The following WDR46 variants were observed in gnomAD, a reference collection of about 807,000 sequenced individuals.
WDR46 encodes WD repeat domain 46, also known as WD repeat-containing protein 46.
In WDR46, 58 loss-of-function variants were observed where a neutral mutation model predicts 74.7. The observed-to-expected ratio is 0.78, with a 90% CI of 0.63 to 0.97. The LOEUF (loss-of-function observed/expected upper bound fraction) is 0.97. Among genes scored for constraint, WDR46 ranks in the 50% least tolerant of loss-of-function variants. The pLI, the probability that WDR46 is intolerant of heterozygous loss-of-function variation, is 0.00. For missense variants in WDR46, 702 were observed against 790.1 expected, an observed-to-expected ratio of 0.89 and a Z score of 1.34; for synonymous variants, 278 against 297.3, an observed-to-expected ratio of 0.93 and a Z score of 0.67.
intron 13 of WDR46, 23 bp from the exon 14 acceptor site, chr6:33,279,633 T>C: frequency 1.2e-6 from 2 of 1,614,046 alleles, no homozygotes; most frequent in African/African-American, 1.3e-5. Context: ...ACAGGAGTGA[T>C]ATCTGTTACA....
chr6:33,283,324 A>T (rs1359051576), intron 10 of WDR46, among the ~76,000 whole-genome samples: 1 of 152,074 alleles, frequency 6.6e-6, no homozygotes, highest in Non-Finnish European at 1.5e-5. Context: ...GGCTCACAGT[A>T]ATTACTCTGT....
chr6:33,288,458 T>C lies in WDR46; in HGVS notation c.373A>G (p.Lys125Glu), dbSNP rs557411044. ...TCAAGTCGGCTTCGAGTTTTGGCTT[T>C]AGAATGTGGTAGCTGTAACATTGTT... is the stretch of plus-strand genomic sequence containing the variant. ...IDKSRKLPHS[K>E]AKTRSRLEVA... The change falls in exon 4 of 15, where the codon AAA becomes GAA. Residue 125 changes from lysine (K) to glutamate (E), a missense_variant. Lys to Glu is a moderately conservative substitution (Grantham distance 56). Transcript: ENST00000374617. The C allele has an allele frequency of 1.2e-6, 2 of 1,614,106 alleles. No individual in the cohort carries two copies. Among genetic ancestry groups the C allele is most frequent in the African/African-American group, 1.3e-5 (1 of 75,000 alleles).
In WDR46 at chr6:33,288,596, T is replaced by A. The variant is rs763648037; in HGVS notation, c.360+18A>T. ...CTCCCTGCCTCCAGCACTTCCCAAC[T>A]CTCCGGCTGGACCTCACCTTTCGGG... On this transcript the variant is annotated intron_variant, in intron 3 of 14. Transcript: ENST00000374617. 6.2e-7 allele frequency: 1 copy of A among 1,610,978 alleles called. No homozygotes were observed. Among genetic ancestry groups the A allele is most frequent in the Non-Finnish European group, 8.5e-7 (1 of 1,178,778 alleles).
intron 10 of WDR46, chr6:33,284,685 A>G (rs1766466014): frequency 6.5e-6 from 1 of 153,834 alleles, no homozygotes; most frequent in Admixed American, 6.5e-5. Context: ...AACCTGGCCC[A>G]TCATCTAGTT....
Position 33,288,411 on chromosome 6 carries a change from C to T in WDR46, c.420G>A (p.Glu140=), listed in dbSNP as rs746602791. ...AACGAGCAGCTTTGATACTTGTTTC[C>T]TCTTCCTCAGCTTCAGCCACCTCAA... ...SRLEVAEAEE[E]ETSIKAARSE... The change falls in exon 4 of 15, where the codon GAG becomes GAA. Residue 140 remains glutamate, a synonymous_variant. Transcript: ENST00000374617. The T allele has an allele frequency of 1.9e-6, 3 of 1,614,188 alleles. No homozygotes were observed. Among genetic ancestry groups the T allele is most frequent in the South Asian group, 2.2e-5 (2 of 91,088 alleles).
At chr6:33,288,321 AG>A in intron 4 of WDR46, 36 bp downstream of exon 4, 1 of 1,613,246 alleles carries the variant, frequency 6.2e-7, no homozygotes, top group Non-Finnish European at 8.5e-7. Context: ...CAGTCCCAAA[AG>A]GCAGGGAATG....
At position 33,287,226 on chromosome 6, in the gene WDR46, A is replaced by T; in HGVS notation, c.880T>A (p.Ser294Thr). Residue 294 changes from serine (S) to threonine (T), a missense_variant and splice_region_variant, in exon 9 of 15, where the codon TCA becomes ACA. By Grantham distance (58) the Ser-to-Thr change is moderately conservative. Transcript: ENST00000374617. ...LPFHFLLATA[S>T]ETGFLTYLDV... Reference sequence around the variant, plus strand: ...AGGTAGGTTAGAAACCCTGTTTCTGACTGAGAGAGAAAGACAGAGAGAATG... The same window carrying T: ...AGGTAGGTTAGAAACCCTGTTTCTGTCTGAGAGAGAAAGACAGAGAGAATG... 1 of 1,613,648 alleles carries T rather than the reference A, an allele frequency of 6.2e-7. No homozygotes were observed. Among genetic ancestry groups the T allele is most frequent in the Non-Finnish European group, 8.5e-7 (1 of 1,179,942 alleles).
chr6:33,280,676 G>A lies in WDR46; in HGVS notation c.1427C>T (p.Pro476Leu). The part of the protein sequence containing the change: ...HTGGITSMLV[P>L]GAGEPNFDGL... The stretch of plus-strand genomic sequence containing the variant: ...GCCCCATCCCCTGGCCCACTCACCA[G>A]GGACCAGCATGCTGGTGATGCCCCC... Residue 476 changes from proline (P) to leucine (L), a missense_variant and splice_region_variant, in exon 11 of 15, where the codon CCT becomes CTT. Physicochemically the swap from Pro to Leu is moderately conservative, Grantham distance 98. Coordinates refer to ENST00000374617, the MANE Select transcript of WDR46 (RefSeq NM_005452.6). The A allele has an allele frequency of 1.3e-6, 2 of 1,583,256 alleles. No individual in the cohort carries two copies. The highest frequency in any genetic ancestry group is 1.7e-6 in the Non-Finnish European group (2 of 1,161,490).
chr6:33,288,818 G>A lies in WDR46; in HGVS notation c.265C>T (p.Arg89Cys). The change falls in exon 2 of 15, where the codon CGC (arginine) becomes TGC (cysteine). Residue 89 changes from arginine to cysteine, a missense_variant. Coordinates refer to ENST00000374617, the MANE Select transcript of WDR46 (RefSeq NM_005452.6). ...CCCACGCTCACCCCGGACAAGCCGCGCTGGGACTCCGGGTTCTTCCATTCT... is the reference window on the plus strand; with the variant it reads ...CCCACGCTCACCCCGGACAAGCCGCACTGGGACTCCGGGTTCTTCCATTCT... ...PREWKNPESQ[R>C]GLSGTQDPFP... 2 of 1,614,098 alleles carry A rather than the reference G, an allele frequency of 1.2e-6. 1 individual carries two copies. The highest frequency in any genetic ancestry group is 1.7e-6 in the Non-Finnish European group (2 of 1,179,998).
In WDR46 at chr6:33,279,556, G is replaced by A. The variant is rs145599893; in HGVS notation, c.1675C>T (p.Arg559Cys). 2.0e-5 allele frequency: 32 copies of A among 1,614,104 alleles called. No individual in the cohort carries two copies. In the Middle Eastern group the frequency reaches 4.9e-4, roughly 25 times the overall value. ...TTCACCAGGCTTGCCGTGGAGCTGC[G>A]GCCCTTCTGCTTTGGCTTTGGCTGG... ...PFQPKPKQKG[R>C]SSTASLVKRK... is the part of the protein sequence containing the mutation. Residue 559 changes from arginine (R) to cysteine (C), a missense_variant, in exon 14 of 15, where the codon CGC becomes TGC. Arg to Cys is a radical substitution (Grantham distance 180). Transcript: ENST00000374617.
rs2150893056 is a variant in WDR46, at chr6:33,279,978, G to A, written c.1525-119C>T. 4.3e-6 allele frequency: 4 copies of A among 936,030 alleles called. No homozygotes were observed. The East Asian group carries it at 1.1e-4, about 25-fold the overall frequency. The allele number at this position is 936,030 out of a possible 1,614,324, so 58.0% of individuals were successfully genotyped here. A position where few individuals can be genotyped will look rare whatever the true frequency, so the allele number is the denominator to read the frequency against. On this transcript the variant is annotated intron_variant, in intron 12 of 14. Transcript: ENST00000374617. ...CAAGACCCCCAGCATGAGACATCAG[G>A]AGAGCTTTCTCTACCTCCAACCCCA...
chr6:33,288,651 A>G lies in WDR46; in HGVS notation c.323T>C (p.Val108Ala), dbSNP rs776920543. The G allele has an allele frequency of 6.2e-7, 1 of 1,605,462 alleles. No individual in the cohort carries two copies. The highest frequency in any genetic ancestry group is 8.5e-7 in the Non-Finnish European group (1 of 1,175,048). Residue 108 changes from valine (V) to alanine (A), a missense_variant, in exon 3 of 15, where the codon GTG becomes GCG. Coordinates refer to ENST00000374617, the MANE Select transcript of WDR46 (RefSeq NM_005452.6). ...FPGPAPVPVE[V>A]VQKFCRIDKS... ...GTCAATGCGACAGAACTTCTGGACC[A>G]CTTCCACAGGGACGGGGGCGGGGCC...
At position 33,280,534 on chromosome 6, in the gene WDR46, G is replaced by C; in HGVS notation, c.1430-12C>G. On this transcript the variant is annotated splice_polypyrimidine_tract_variant and intron_variant, in intron 11 of 14. Coordinates refer to ENST00000374617, the MANE Select transcript of WDR46 (RefSeq NM_005452.6). The stretch of plus-strand genomic sequence containing the variant: ...GGGCTCACCGGCCCCTGAAGGGAGG[G>C]AGGGAGAAGCATGGAGCCATAAGGA... 3 of 1,600,384 alleles carry C rather than the reference G, an allele frequency of 1.9e-6. No homozygotes were observed. The highest frequency in any genetic ancestry group is 2.6e-6 in the Non-Finnish European group (3 of 1,172,762).
chr6:33,289,180 C>G lies in WDR46; in HGVS notation c.-10G>C, dbSNP rs765283053. The G allele has an allele frequency of 6.2e-7, 1 of 1,605,216 alleles. No homozygotes were observed. Among genetic ancestry groups the G allele is most frequent in the Admixed American group, 1.7e-5 (1 of 57,704 alleles). ...TGGGGGCTGTCTCCATCTCGCCCAC[C>G]CGAACGGCGATCCACGTGCAAAACT... On this transcript the variant is annotated 5_prime_UTR_variant, in exon 1 of 15. Transcript: ENST00000374617.
At chr6:33,281,076 G>C in intron 10 of WDR46, 89 bp from the exon 11 acceptor site, 1 of 1,391,072 alleles carries the variant, frequency 7.2e-7, no homozygotes, top group South Asian at 1.4e-5. Flanking sequence ...GTCTGGCTGG[G>C]GAGAAAAAGA....
chr6:33,286,301 G>GCCT (rs1766625556), intron 10 of WDR46, among the ~76,000 whole-genome samples: 1 of 152,052 alleles, frequency 6.6e-6, no homozygotes, highest in Non-Finnish European at 1.5e-5. Context: ...ACAAAAATTA[G>GCCT]CCAGGTGTTG....
chr6:33,286,920 G>A (rs903483252), intron 9 of WDR46, 26 bp from the exon 10 acceptor site: 1 of 1,612,270 alleles, frequency 6.2e-7, no homozygotes, highest in Non-Finnish European at 8.5e-7. Flanking sequence ...AACCAAAGTT[G>A]CTAATACACA....
intron 10 of WDR46, 125 bp downstream of exon 10, chr6:33,286,670 C>T (rs1766663825): frequency 1.7e-5 from 15 of 865,964 alleles, no homozygotes; most frequent in South Asian, 6.5e-5. Context: ...AAGGCCCATC[C>T]GTGGTAACAC....
intron 10 of WDR46, among the ~76,000 whole-genome samples, chr6:33,284,191 G>C (rs1012207703): frequency 2.7e-5 from 4 of 148,718 alleles, no homozygotes; most frequent in African/African-American, 9.9e-5. Flanking sequence ...CAGAGGTTGT[G>C]GTGAGCTGAG....
Sources: allele counts gnomAD v4.1 joint callset (sites outside exome capture counted in the v4.1 genomes callset), GRCh38; gene constraint gnomAD v4.1.1; transcripts MANE v1.5; gene names NCBI Gene and HGNC (gene_info 2026-07-23, HGNC 2026-07-21).